TFDP2: variants seen among roughly 807,000 people sequenced by gnomAD.
The protein encoded by TFDP2 is transcription factor Dp-2, also known as transcription factor Dp-2 (E2F dimerization partner 2).
In TFDP2, 17 loss-of-function variants were observed where a neutral mutation model predicts 59.3. That is an observed-to-expected ratio of 0.29 (90% CI 0.20 to 0.43). The LOEUF (loss-of-function observed/expected upper bound fraction) is 0.43. Ranked by LOEUF, TFDP2 falls within the 20% of genes least tolerant of loss-of-function variation. The pLI is 1.00. For synonymous variants in TFDP2, 180 were observed against 194.7 expected (o/e 0.92, Z 0.63); for missense variants, 391 against 528.8 (o/e 0.74, Z 2.56).
chr3:142,051,832 A>G (rs1947645763), intron 3 of TFDP2, among the ~76,000 whole-genome samples: 1 of 152,022 alleles, frequency 6.6e-6, no homozygotes, highest in South Asian at 2.1e-4. Flanking sequence ...ATTAACTCAA[A>G]ATTTATCATA....
At chr3:142,048,712 TATGCCACC>T (rs1263890980) in intron 3 of TFDP2, among the ~76,000 whole-genome samples, 2 of 151,922 alleles carry the variant, frequency 1.3e-5, no homozygotes, top group Non-Finnish European at 2.9e-5. Flanking sequence ...ATTACAGGAG[TATGCCACC>T]ATGCCTGGCT....
At chr3:142,123,192 C>T (rs1178733564) in intron 1 of TFDP2, among the ~76,000 whole-genome samples, 1 of 152,124 alleles carries the variant, frequency 6.6e-6, no homozygotes, top group Non-Finnish European at 1.5e-5. Flanking sequence ...TGGAGTACAG[C>T]GGCATGATCT....
At position 141,952,543 on chromosome 3, in the gene TFDP2, A is replaced by G. The variant is rs1936040341; in HGVS notation, c.1311T>C (p.Asp437=). The change falls in exon 13 of 13, where the codon GAT becomes GAC. Residue 437 remains aspartate, a synonymous_variant. Coordinates refer to ENST00000489671, the MANE Select transcript of TFDP2 (RefSeq NM_001178139.2). ...CTGGGGAGGAGGAATCCTCCTCATCATCTTCCTCATCTTCATCATTGAACG... is the reference window on the plus strand; with the variant it reads ...CTGGGGAGGAGGAATCCTCCTCATCGTCTTCCTCATCTTCATCATTGAACG... The part of the protein sequence containing the change: ...PCSFNDEDEE[D]DEEDSSSPE The G allele has an allele frequency of 6.4e-7, 1 of 1,554,694 alleles. No homozygotes were observed. The highest frequency in any genetic ancestry group is 8.6e-7 in the Non-Finnish European group (1 of 1,160,046).
At chr3:141,958,735 A>G (rs984639423) in intron 11 of TFDP2, among the ~76,000 whole-genome samples, 3 of 152,150 alleles carry the variant, frequency 2.0e-5, no homozygotes, top group African/African-American at 7.2e-5. Context: ...AAGAAGGAAC[A>G]GTAAATATGG....
At chr3:142,099,111 G>C (rs1055925109) in intron 2 of TFDP2, among the ~76,000 whole-genome samples, 2 of 152,156 alleles carry the variant, frequency 1.3e-5, no homozygotes, top group Non-Finnish European at 1.5e-5. Context: ...CTCTGTAAGA[G>C]GGCAATCTCT....
intron 5 of TFDP2, 66 bp from the exon 6 acceptor site, chr3:141,993,651 TTTA>T (rs1943002741): frequency 1.6e-5 from 15 of 952,758 alleles, no homozygotes; most frequent in Non-Finnish European, 2.2e-5. Context: ...TCATTAATAC[TTTA>T]TTATAACTTG....
chr3:142,046,260 C>T (rs1336019794), intron 3 of TFDP2, among the ~76,000 whole-genome samples: 1 of 152,118 alleles, frequency 6.6e-6, no homozygotes, highest in Non-Finnish European at 1.5e-5. Context: ...AGGACCTAAC[C>T]AAGAGTTGTT....
chr3:142,088,446 T>C (rs989228786), intron 3 of TFDP2, among the ~76,000 whole-genome samples: 2 of 151,888 alleles, frequency 1.3e-5, no homozygotes, highest in Non-Finnish European at 2.9e-5. Context: ...TTCTTGTGTC[T>C]CTGCCACCCG....
intron 1 of TFDP2, among the ~76,000 whole-genome samples, chr3:142,132,431 C>T (rs913268807): frequency 6.7e-6 from 1 of 149,822 alleles, no homozygotes; most frequent in Non-Finnish European, 1.5e-5. Flanking sequence ...CATCTTTATA[C>T]ATCTTTTAAA....
intron 9 of TFDP2, among the ~76,000 whole-genome samples, chr3:141,969,607 T>C (rs1333072414): frequency 6.6e-6 from 1 of 151,880 alleles, no homozygotes; most frequent in Non-Finnish European, 1.5e-5. Context: ...TGAGACTCAG[T>C]CTCAAAAAAC....
At chr3:142,006,408 T>A (rs552606473) in intron 3 of TFDP2, among the ~76,000 whole-genome samples, 6 of 152,132 alleles carry the variant, frequency 3.9e-5, no homozygotes. Context: ...TCCTTCTTAG[T>A]TGCCTTCCTC....
chr3:142,127,539 T>C (rs919886418), intron 1 of TFDP2, among the ~76,000 whole-genome samples: 1 of 152,118 alleles, frequency 6.6e-6, no homozygotes, highest in Non-Finnish European at 1.5e-5. Flanking sequence ...GGTTTCACCA[T>C]GTTGGCCAGG....
chr3:142,000,314 G>A (rs757474826), intron 4 of TFDP2: 2 of 702,676 alleles, frequency 2.8e-6, no homozygotes, highest in Non-Finnish European at 5.2e-6. Context: ...CCTGGTGAGG[G>A]TTTATTCTCT....
At chr3:142,093,167 A>C (rs773480505) in intron 2 of TFDP2, 40 bp from the exon 3 acceptor site, 4 of 1,400,940 alleles carry the variant, frequency 2.9e-6, no homozygotes, top group Non-Finnish European at 9.7e-7. Flanking sequence ...TAGAATATTA[A>C]GTAGTATGTG....
intron 3 of TFDP2, among the ~76,000 whole-genome samples, chr3:142,020,580 T>A (rs1393939704): frequency 1.3e-5 from 2 of 151,410 alleles, no homozygotes; most frequent in Non-Finnish European, 2.9e-5. Flanking sequence ...GCTCTGTAGG[T>A]CAACAGCATC....
In TFDP2 at chr3:141,969,212, T is replaced by C. The variant is rs36143125; in HGVS notation, c.732+861A>G. Among the ~76,000 whole-genome samples, 5 of 106,874 alleles carry C rather than the reference T, an allele frequency of 4.7e-5. 1 individual carries two copies. Among genetic ancestry groups the C allele is most frequent in the Non-Finnish European group, 9.0e-5 (5 of 55,828 alleles). The allele number at this position is 106,874 out of a possible 152,430, so 70.1% of individuals were successfully genotyped here. On this transcript the variant is annotated intron_variant, in intron 9 of 12. Coordinates refer to ENST00000489671, the MANE Select transcript of TFDP2 (RefSeq NM_001178139.2). ...ATGAGATATATATATATAACATATATATATATCTCATATATATGAGATATA... is the reference window on the plus strand; with the variant it reads ...ATGAGATATATATATATAACATATACATATATCTCATATATATGAGATATA...
chr3:141,964,740 A>G (rs1439278190), intron 9 of TFDP2, among the ~76,000 whole-genome samples: 1 of 152,150 alleles, frequency 6.6e-6, no homozygotes, highest in Non-Finnish European at 1.5e-5. Flanking sequence ...AAGCTCTGCC[A>G]TCTCTGCCCT....
chr3:142,053,336 T>C (rs1331830290), intron 3 of TFDP2, among the ~76,000 whole-genome samples: 2 of 152,000 alleles, frequency 1.3e-5, no homozygotes, highest in African/African-American at 4.8e-5. Flanking sequence ...TGAGATCTGG[T>C]TGTTTAAAAC....
chr3:142,069,989 T>C (rs1217506010), intron 3 of TFDP2, among the ~76,000 whole-genome samples: 2 of 151,708 alleles, frequency 1.3e-5, no homozygotes, highest in African/African-American at 4.9e-5. Context: ...CACTGCAACC[T>C]CCGTTTCCCA....
Sources: gnomAD v4.1 joint callset for allele counts (sites outside exome capture counted in the v4.1 genomes callset) on GRCh38, gnomAD v4.1.1 for gene constraint, MANE v1.5 for transcripts, NCBI Gene and HGNC (gene_info 2026-07-23, HGNC 2026-07-21) for gene names.